The following USP34 variants were observed in gnomAD, a reference collection of about 807,000 sequenced individuals.
USP34 encodes the protein ubiquitin specific peptidase 34.
Under a neutral mutation model 460.3 loss-of-function variants are expected in USP34, and 70 were observed. The observed-to-expected ratio is 0.15, with a 90% confidence interval of 0.13 to 0.19. The LOEUF is 0.19. USP34 is among the 10% of genes least tolerant of loss of function. USP34 has a pLI of 1.00. For synonymous variants in USP34, 1,647 were observed against 1,405.3 expected (o/e 1.17, Z -3.85); for missense variants, 3,985 against 4,236.2 (o/e 0.94, Z 1.65).
intron 67 of USP34, 68 bp from the exon 68 acceptor site, chr2:61,214,762 A>G: frequency 2.0e-6 from 3 of 1,518,172 alleles, no homozygotes; most frequent in Non-Finnish European, 1.8e-6. Flanking sequence ...GCAGTCATTA[A>G]TCACAAAGCC....
Position 61,229,587 on chromosome 2 carries a change from A to G in USP34, c.7160T>C (p.Val2387Ala). Reference protein sequence around the residue: ...CIHVIQRLRPVHAHLYLQPGM... With the variant: ...CIHVIQRLRPAHAHLYLQPGM... Reference sequence around the variant, plus strand: ...TGGCTGCAAATAGAGATGAGCATGCACAGGTCTCAGCCTCTGAATCACATG... The same window carrying G: ...TGGCTGCAAATAGAGATGAGCATGCGCAGGTCTCAGCCTCTGAATCACATG... The change falls in exon 59 of 80, where the codon GTG (valine) becomes GCG (alanine). Residue 2387 changes from valine (V) to alanine (A), a missense_variant. By Grantham distance (64) the Val-to-Ala change is moderately conservative. Around this residue, in one of 14 missense-constraint regions of USP34, gnomAD observed 604 missense variants for 684.8 expected, o/e 0.88. Coordinates refer to ENST00000398571, the MANE Select transcript of USP34 (RefSeq NM_014709.4). 3 of 1,612,874 alleles carry G rather than the reference A, an allele frequency of 1.9e-6. No homozygotes were observed. Among genetic ancestry groups the G allele is most frequent in the South Asian group, 2.2e-5 (2 of 90,888 alleles).
intron 49 of USP34, 80 bp from the exon 50 acceptor site, chr2:61,246,557 T>C: frequency 1.1e-6 from 1 of 936,142 alleles, no homozygotes; most frequent in Non-Finnish European, 1.4e-6. Context: ...AAATAAACTT[T>C]ATCAATTACA....
rs958511117 is a variant in USP34, at chr2:61,458,453, C to T, written c.43+12197G>A. 3.5e-4 allele frequency among the ~76,000 whole-genome samples: 52 copies of T among 149,434 alleles called. 1 individual carries two copies. Among genetic ancestry groups the T allele is most frequent in the Admixed American group, 3.3e-3 (49 of 14,868 alleles). On this transcript the variant is annotated intron_variant, in intron 1 of 79. Transcript: ENST00000398571. ...GCGGGTGCCTGTAATCCCAGCTACT[C>T]GGGAGGCTGAGGCAGGAGAATCATT...
intron 8 of USP34, among the ~76,000 whole-genome samples, chr2:61,372,583 T>C (rs568157259): frequency 1.5e-4 from 23 of 152,120 alleles, no homozygotes; most frequent in Non-Finnish European, 2.1e-4. Context: ...TGGTGGCTCA[T>C]GCCTGTGGTC....
chr2:61,327,654 A>T (rs944737341), intron 20 of USP34, among the ~76,000 whole-genome samples: 13 of 152,132 alleles, frequency 8.5e-5, no homozygotes, highest in African/African-American at 2.4e-4. Context: ...GGAATAAGGG[A>T]CTAATAACCC....
At chr2:61,424,351 C>T (rs537422934) in intron 1 of USP34, among the ~76,000 whole-genome samples, 10 of 152,232 alleles carry the variant, frequency 6.6e-5, no homozygotes, top group Middle Eastern at 3.4e-3. Context: ...TATAACCTTA[C>T]GACCACTGTC....
At chr2:61,325,276 T>TAAAAAAA in intron 21 of USP34, 99 bp downstream of exon 21, 2 of 604,496 alleles carry the variant, frequency 3.3e-6, no homozygotes, top group Non-Finnish European at 5.1e-6. Context: ...TAAATTAAAC[T>TAAAAAAA]AAAAAAAAAA....
Position 61,204,633 on chromosome 2 carries a change from AAATT to A in USP34, c.9155-36_9155-33del. On this transcript the variant is annotated intron_variant, in intron 72 of 79. Coordinates refer to ENST00000398571, the MANE Select transcript of USP34 (RefSeq NM_014709.4). ...ATAAAAACAAAGTTTGGGTAGCAAA[AAATT>A]AAGAGTTATATCTGCCTACTACTTT... 3 of 1,559,244 alleles carry A rather than the reference AAATT, an allele frequency of 1.9e-6. No individual in the cohort carries two copies. In the South Asian group the frequency reaches 3.4e-5, roughly 17 times the overall value.
intron 1 of USP34, among the ~76,000 whole-genome samples, chr2:61,449,607 G>A (rs139988347): frequency 7.2e-5 from 11 of 151,834 alleles, no homozygotes; most frequent in East Asian, 1.9e-4. Flanking sequence ...TAGTACTGGC[G>A]TAAGGATAGA....
intron 44 of USP34, among the ~76,000 whole-genome samples, chr2:61,258,673 G>C (rs1688788145): frequency 6.6e-6 from 1 of 152,172 alleles, no homozygotes; most frequent in Admixed American, 6.5e-5. Context: ...TGTGTGCCAT[G>C]GTGATGAGCT....
intron 8 of USP34, among the ~76,000 whole-genome samples, chr2:61,376,140 C>T (rs961382343): frequency 1.3e-5 from 2 of 149,320 alleles, no homozygotes; most frequent in Non-Finnish European, 2.9e-5. Flanking sequence ...GACAGCTGCA[C>T]AACTCTAAGA....
At chr2:61,451,002 G>A (rs574345493) in intron 1 of USP34, among the ~76,000 whole-genome samples, 5 of 150,200 alleles carry the variant, frequency 3.3e-5, no homozygotes, top group African/African-American at 9.8e-5. Flanking sequence ...GGCGGATCAC[G>A]AGGTCAAGAG....
At chr2:61,411,910 C>T (rs1226117666) in intron 2 of USP34, among the ~76,000 whole-genome samples, 3 of 151,998 alleles carry the variant, frequency 2.0e-5, no homozygotes, top group African/African-American at 7.2e-5. Flanking sequence ...ACAGTAAGGG[C>T]GGGCGTGGTG....
chr2:61,351,523 CAGAAGAT>C (rs1572959615), intron 10 of USP34, among the ~76,000 whole-genome samples: 1 of 151,964 alleles, frequency 6.6e-6, no homozygotes, highest in East Asian at 1.9e-4. Context: ...GGGTAATAAA[CAGAAGAT>C]TAGACAAGTA....
chr2:61,326,373 C>T (rs1378912813), intron 20 of USP34, among the ~76,000 whole-genome samples: 1 of 152,058 alleles, frequency 6.6e-6, no homozygotes, highest in Non-Finnish European at 1.5e-5. Flanking sequence ...TAGGCGTGCG[C>T]CACCACACCC....
At chr2:61,333,234 T>TG (rs1691322625) in intron 19 of USP34, among the ~76,000 whole-genome samples, 1 of 152,092 alleles carries the variant, frequency 6.6e-6, no homozygotes, top group African/African-American at 2.4e-5. Flanking sequence ...TAATCATAAG[T>TG]TCTCCATAAA....
At chr2:61,217,287 A>C (rs1239017800) in intron 67 of USP34, among the ~76,000 whole-genome samples, 2 of 152,238 alleles carry the variant, frequency 1.3e-5, no homozygotes, top group Non-Finnish European at 2.9e-5. Context: ...TGCTACAAAA[A>C]ACATTAAGTC....
intron 41 of USP34, among the ~76,000 whole-genome samples, chr2:61,274,813 A>G (rs575307766): frequency 6.6e-6 from 1 of 152,334 alleles, no homozygotes; most frequent in African/African-American, 2.4e-5. Context: ...TAACATAACC[A>G]AAACTATAAA....
chr2:61,387,992 T>A (rs182161465), intron 5 of USP34, among the ~76,000 whole-genome samples: 1 of 146,346 alleles, frequency 6.8e-6, no homozygotes, highest in Non-Finnish European at 1.5e-5. Context: ...AAAGGCCAGG[T>A]GGAGTGGCTC....
Sources: allele counts gnomAD v4.1 joint callset (sites outside exome capture counted in the v4.1 genomes callset), GRCh38; gene constraint gnomAD v4.1.1; regional missense constraint gnomAD v4.1.1; transcripts MANE v1.5; gene names NCBI Gene and HGNC (gene_info 2026-07-23, HGNC 2026-07-21).